The following FGF12 variants were observed in gnomAD, a reference collection of about 807,000 sequenced individuals.
FGF12 encodes the protein fibroblast growth factor 12.
Under a neutral mutation model 23.6 loss-of-function variants are expected in FGF12, and 14 were observed. The observed-to-expected ratio is 0.59, with a 90% confidence interval of 0.39 to 0.93. The LOEUF (loss-of-function observed/expected upper bound fraction) is 0.93, where lower values mean the gene tolerates loss of function less well. Ranked by LOEUF, FGF12 falls within the 40% of genes least tolerant of loss-of-function variation. The pLI is 0.00. For synonymous variants in FGF12, 62 were observed against 77.3 expected, an observed-to-expected ratio of 0.80 and a Z score of 1.04; for missense variants, 175 against 217.8, an observed-to-expected ratio of 0.80 and a Z score of 1.24.
intron 2 of FGF12, among the ~76,000 whole-genome samples, chr3:192,398,453 T>C (rs1441566702): frequency 6.6e-6 from 1 of 151,432 alleles, no homozygotes; most frequent in African/African-American, 2.4e-5. Context: ...TGGTGTGATC[T>C]TGGCACACTG....
At chr3:192,572,311 T>A (rs954016912) in intron 2 of FGF12, among the ~76,000 whole-genome samples, 4 of 152,236 alleles carry the variant, frequency 2.6e-5, no homozygotes, top group Non-Finnish European at 5.9e-5. Context: ...GCCCAGTTGA[T>A]CTTCCTTGGG....
At position 192,146,272 on chromosome 3, in the gene FGF12, A is replaced by AT. The variant is rs10676941; in HGVS notation, c.428-2146dup. On this transcript the variant is annotated intron_variant, in intron 5 of 5. Transcript: ENST00000445105. ...TTTTCTAATTTTCATTAAAGTGTAT[A>AT]TTTTTTTTTTTTTTTTGAGACGGAG... Among the ~76,000 whole-genome samples the AT allele has an allele frequency of 6.7e-3, 957 of 143,266 alleles. 17 individuals are homozygous for AT. Among genetic ancestry groups the AT allele is most frequent in the East Asian group, 0.028 (136 of 4,918 alleles). The allele number at this position is 143,266 out of a possible 152,430, so 94.0% of individuals were successfully genotyped here.
At chr3:192,387,607 G>C (rs969159165) in intron 2 of FGF12, among the ~76,000 whole-genome samples, 17 of 151,938 alleles carry the variant, frequency 1.1e-4, no homozygotes, top group African/African-American at 3.9e-4. Context: ...CAGCACTTTA[G>C]GAGGCTGAGG....
intron 2 of FGF12, among the ~76,000 whole-genome samples, chr3:192,574,989 C>T (rs61094362): frequency 0.21 from 31,338 of 152,166 alleles, 3,400 homozygotes; most frequent in Middle Eastern, 0.32. Flanking sequence ...ATAATGTACA[C>T]ATCCATGAAC....
rs151193105 is a variant in FGF12, at chr3:192,642,187, ACTGT to A, written c.13+84990_13+84993del. ...TCAAACCATATTTACGTCAGTCTTT[ACTGT>A]CTGTCTCAAACACTTTCACATCCAT... On this transcript the variant is annotated intron_variant, in intron 2 of 5. Coordinates refer to ENST00000445105, the MANE Select transcript of FGF12 (RefSeq NM_004113.6). Among the ~76,000 whole-genome samples, 1,279 of 152,296 alleles carry A rather than the reference ACTGT, an allele frequency of 8.4e-3. 15 individuals carry two copies. The highest frequency in any genetic ancestry group is 0.029 in the African/African-American group (1,206 of 41,548).
At chr3:192,689,870 A>C (rs1399973153) in intron 2 of FGF12, among the ~76,000 whole-genome samples, 1 of 152,078 alleles carries the variant, frequency 6.6e-6, no homozygotes, top group Non-Finnish European at 1.5e-5. Flanking sequence ...ATTACAATAA[A>C]AAATTAAGAA....
intron 2 of FGF12, among the ~76,000 whole-genome samples, chr3:192,439,426 A>G (rs1029577898): frequency 6.6e-6 from 1 of 152,302 alleles, no homozygotes; most frequent in East Asian, 1.9e-4. Context: ...GGTCCTTTTA[A>G]AGCCACACCT....
chr3:192,182,536 C>G (rs1043756301), intron 4 of FGF12, among the ~76,000 whole-genome samples: 5 of 151,964 alleles, frequency 3.3e-5, no homozygotes, highest in African/African-American at 1.2e-4. Context: ...AATGAAGAAC[C>G]CATGAAATAG....
chr3:192,382,960 C>T (rs948699272), intron 2 of FGF12, among the ~76,000 whole-genome samples: 2 of 152,124 alleles, frequency 1.3e-5, no homozygotes, highest in Admixed American at 6.5e-5. Flanking sequence ...GAGAAAGTAA[C>T]AACACGGCCA....
At position 192,475,937 on chromosome 3, in the gene FGF12, TGATA is replaced by T. The variant is rs111672806; in HGVS notation, c.14-115403_14-115400del. On this transcript the variant is annotated intron_variant, in intron 2 of 5. Coordinates refer to ENST00000445105, the MANE Select transcript of FGF12 (RefSeq NM_004113.6). ...ATAGATGATAGATGATATAGATAGA[TGATA>T]GATAGATAGATAGATAATGATAGGC... Among the ~76,000 whole-genome samples, 222 of 151,996 alleles carry T rather than the reference TGATA, an allele frequency of 1.5e-3. 3 individuals carry two copies. Among genetic ancestry groups the T allele is most frequent in the Middle Eastern group, 6.8e-3 (2 of 294 alleles).
At chr3:192,528,470 G>A (rs1725008259) in intron 2 of FGF12, among the ~76,000 whole-genome samples, 1 of 152,144 alleles carries the variant, frequency 6.6e-6, no homozygotes, top group African/African-American at 2.4e-5. Flanking sequence ...GGCTGGTGTT[G>A]TGTGTCTGCA....
intron 2 of FGF12, among the ~76,000 whole-genome samples, chr3:192,605,116 C>T (rs1158979016): frequency 6.6e-6 from 1 of 152,104 alleles, no homozygotes; most frequent in Admixed American, 6.5e-5. Flanking sequence ...CAGTGGCTCA[C>T]ACCTTTAATT....
At chr3:192,273,574 C>A (rs779395977) in intron 4 of FGF12, among the ~76,000 whole-genome samples, 1 of 152,100 alleles carries the variant, frequency 6.6e-6, no homozygotes, top group Non-Finnish European at 1.5e-5. Flanking sequence ...GTTGTTTGCA[C>A]ATCCATGTCT....
At chr3:192,627,263 T>TGTC (rs1252004497) in intron 2 of FGF12, among the ~76,000 whole-genome samples, 1 of 152,034 alleles carries the variant, frequency 6.6e-6, no homozygotes, top group Admixed American at 6.5e-5. Flanking sequence ...TACTTAACAT[T>TGTC]GTCTCAGGGG....
chr3:192,575,578 C>T (rs920374464), intron 2 of FGF12, among the ~76,000 whole-genome samples: 5 of 152,164 alleles, frequency 3.3e-5, no homozygotes, highest in Non-Finnish European at 7.4e-5. Flanking sequence ...CCCACTAGGG[C>T]TTCCATATTG....
At chr3:192,601,752 G>C (rs549466052) in intron 2 of FGF12, among the ~76,000 whole-genome samples, 17 of 152,102 alleles carry the variant, frequency 1.1e-4, no homozygotes, top group Non-Finnish European at 2.4e-4. Flanking sequence ...TGTAGTATTT[G>C]CATATCACCA....
At chr3:192,423,540 G>A (rs2366662) in intron 2 of FGF12, among the ~76,000 whole-genome samples, 89,972 of 151,930 alleles carry the variant, frequency 0.59, 26,915 homozygotes, top group African/African-American at 0.67. Context: ...AAAGATTTAC[G>A]TGCAAAGATT....
intron 2 of FGF12, among the ~76,000 whole-genome samples, chr3:192,367,555 G>T (rs1328194023): frequency 6.6e-6 from 1 of 152,200 alleles, no homozygotes; most frequent in East Asian, 1.9e-4. Flanking sequence ...AGGCAAATCA[G>T]AAATGAGCTA....
chr3:192,148,492 TG>T (rs1713851216), intron 5 of FGF12, among the ~76,000 whole-genome samples: 1 of 152,138 alleles, frequency 6.6e-6, no homozygotes, highest in African/African-American at 2.4e-5. Context: ...GAGTTTCAGT[TG>T]GGGGAGATGA....
Sources: allele counts gnomAD v4.1 joint callset (sites outside exome capture counted in the v4.1 genomes callset), GRCh38; gene constraint gnomAD v4.1.1; transcripts MANE v1.5; gene names NCBI Gene and HGNC (gene_info 2026-07-23, HGNC 2026-07-21).